Variants in MAN1A1 observed in about 807,000 individuals in gnomAD.
MAN1A1 encodes mannosidase alpha class 1A member 1.
Under a neutral mutation model 70.8 loss-of-function variants are expected in MAN1A1, and 29 were observed. That is an observed-to-expected ratio of 0.41 (90% CI 0.31 to 0.56). The LOEUF is 0.56. Among genes scored for constraint, MAN1A1 ranks in the 20% least tolerant of loss-of-function variants. The pLI, the probability that MAN1A1 is intolerant of heterozygous loss-of-function variation, is 0.29. For missense variants in MAN1A1, 747 were observed against 841.3 expected (o/e 0.89, Z 1.39); for synonymous variants, 349 against 330.1 (o/e 1.06, Z -0.62).
Position 119,263,277 on chromosome 6 carries a change from C to T in MAN1A1, c.898-14923G>A, listed in dbSNP as rs7761480. 7.2e-3 allele frequency among the ~76,000 whole-genome samples: 1,094 copies of T among 152,012 alleles called. 32 individuals are homozygous for T. In the East Asian group the frequency reaches 0.091, roughly 13 times the overall value. ...TTATTAAGTATTAATTTAATACTTA[C>T]AGGATATATGTAGATCTACAGATAT... On this transcript the variant is annotated intron_variant, in intron 5 of 12. Coordinates refer to ENST00000368468, the MANE Select transcript of MAN1A1 (RefSeq NM_005907.4).
At chr6:119,348,369 T>A in intron 2 of MAN1A1, 94 bp downstream of exon 2, 1 of 1,250,276 alleles carries the variant, frequency 8.0e-7, no homozygotes, top group Non-Finnish European at 1.1e-6. Context: ...TCCCCATACA[T>A]TGCATTGTTG....
rs531991278 is a variant in MAN1A1 at position 119,284,583 on chromosome 6, A to G, written c.897+6100T>C. 2.6e-5 allele frequency among the ~76,000 whole-genome samples: 4 copies of G among 152,190 alleles called. No individual in the cohort carries two copies. The East Asian group carries it at 7.7e-4, about 29-fold the overall frequency. Reference sequence around the variant, plus strand: ...TTGTTTTTTTTCCCCTAAATTACTGAAATATAGACTTAACCACATATTTAT... The same window carrying G: ...TTGTTTTTTTTCCCCTAAATTACTGGAATATAGACTTAACCACATATTTAT... On this transcript the variant is annotated intron_variant, in intron 5 of 12. Transcript: ENST00000368468.
intron 7 of MAN1A1, 144 bp downstream of exon 7, chr6:119,204,615 A>C (rs1773806725): frequency 3.0e-6 from 3 of 994,690 alleles, no homozygotes; most frequent in Non-Finnish European, 3.0e-6. Context: ...GGCTAAATGA[A>C]ATGCTGCATG....
chr6:119,228,155 A>T (rs1774572045), intron 6 of MAN1A1, among the ~76,000 whole-genome samples: 1 of 152,140 alleles, frequency 6.6e-6, no homozygotes, highest in Non-Finnish European at 1.5e-5. Context: ...GTTCAGAGAG[A>T]CCCCTGTAAT....
At chr6:119,324,932 CTAGATGTCTG>C (rs1442298681) in intron 2 of MAN1A1, among the ~76,000 whole-genome samples, 1 of 152,144 alleles carries the variant, frequency 6.6e-6, no homozygotes, top group Non-Finnish European at 1.5e-5. Flanking sequence ...CCTGTATACA[CTAGATGTCTG>C]TATCTCACCC....
intron 5 of MAN1A1, among the ~76,000 whole-genome samples, chr6:119,278,011 T>C (rs1005787219): frequency 6.8e-6 from 1 of 147,106 alleles, no homozygotes; most frequent in Non-Finnish European, 1.5e-5. Flanking sequence ...TAGCCAGGCA[T>C]GGTGGTGTGC....
At chr6:119,293,472 T>A (rs1772105375) in intron 4 of MAN1A1, among the ~76,000 whole-genome samples, 2 of 152,080 alleles carry the variant, frequency 1.3e-5, no homozygotes, top group Admixed American at 1.3e-4. Context: ...TGTTAGTTAA[T>A]CCATGAAGGA....
chr6:119,211,047 A>G (rs993577005), intron 6 of MAN1A1: 4 of 322,976 alleles, frequency 1.2e-5, no homozygotes, highest in Non-Finnish European at 2.5e-5. Context: ...AGCATAGTAT[A>G]TTCCATCTTC....
intron 11 of MAN1A1, among the ~76,000 whole-genome samples, chr6:119,183,406 C>CT (rs139277735): frequency 0.26 from 39,846 of 150,462 alleles, 6,191 homozygotes; most frequent in South Asian, 0.49. Context: ...TTCTTTCCTC[C>CT]TTTTTTTTTG....
At chr6:119,284,409 A>T (rs1366317850) in intron 5 of MAN1A1, among the ~76,000 whole-genome samples, 1 of 152,168 alleles carries the variant, frequency 6.6e-6, no homozygotes, top group Non-Finnish European at 1.5e-5. Context: ...CTGTCTCTTA[A>T]TAAGTGAAAA....
intron 6 of MAN1A1, among the ~76,000 whole-genome samples, chr6:119,209,631 G>A (rs925731370): frequency 2.6e-5 from 4 of 152,184 alleles, no homozygotes; most frequent in Non-Finnish European, 4.4e-5. Flanking sequence ...CAACGATTGC[G>A]TCATTTAGCT....
chr6:119,295,746 T>C (rs1030409066), intron 4 of MAN1A1, among the ~76,000 whole-genome samples: 1 of 152,176 alleles, frequency 6.6e-6, no homozygotes. Flanking sequence ...CCAAACTCTG[T>C]ATCAGCTTTC....
At chr6:119,180,916 G>A (rs1273803001) in intron 11 of MAN1A1, among the ~76,000 whole-genome samples, 2 of 152,142 alleles carry the variant, frequency 1.3e-5, no homozygotes, top group Non-Finnish European at 2.9e-5. Context: ...AATTAAAAAT[G>A]AAGTCATAGA....
chr6:119,197,757 G>A (rs1359837987), intron 8 of MAN1A1, among the ~76,000 whole-genome samples: 1 of 152,030 alleles, frequency 6.6e-6, no homozygotes, highest in African/African-American at 2.4e-5. Flanking sequence ...ATGGGGGTTG[G>A]GGCAGGAGAG....
chr6:119,190,486 T>G (rs1390057632), intron 9 of MAN1A1, among the ~76,000 whole-genome samples: 2 of 152,168 alleles, frequency 1.3e-5, no homozygotes, highest in Non-Finnish European at 2.9e-5. Context: ...AATCCATAAA[T>G]GGGAACAACA....
intron 5 of MAN1A1, among the ~76,000 whole-genome samples, chr6:119,250,648 CTG>C (rs71015031): frequency 0.3 from 43,886 of 148,384 alleles, 6,592 homozygotes; most frequent in East Asian, 0.55. Context: ...TGTTCTCTCT[CTG>C]TGTGTGTGTG....
intron 6 of MAN1A1, among the ~76,000 whole-genome samples, chr6:119,215,998 T>C (rs1774190298): frequency 6.6e-6 from 1 of 151,838 alleles, no homozygotes; most frequent in Non-Finnish European, 1.5e-5. Context: ...GACCTGGGAG[T>C]GGCTCTTACA....
Position 119,204,852 on chromosome 6 carries a change from A to G in MAN1A1, c.1023T>C (p.Ser341=). 1 of 1,613,994 alleles carries G rather than the reference A, an allele frequency of 6.2e-7. No individual in the cohort carries two copies. Residue 341 remains serine, a synonymous_variant, in exon 7 of 13, where the codon TCT becomes TCC. Transcript: ENST00000368468. ...ATTCTGCCAGAATACTGCTGCCTCC[A>G]GAGGCCCAGGGCCAGTTCCTTCCAA... The part of the protein sequence containing the change: ...SGIGRNWPWA[S]GGSSILAEFG...
At chr6:119,289,943 T>C (rs190280463) in intron 5 of MAN1A1, among the ~76,000 whole-genome samples, 91 of 152,130 alleles carry the variant, frequency 6.0e-4, no homozygotes, top group African/African-American at 2.1e-3. Context: ...TTTTCCATAA[T>C]GTCAACATTT....
Sources: gnomAD v4.1 joint callset for allele counts (sites outside exome capture counted in the v4.1 genomes callset) on GRCh38, gnomAD v4.1.1 for gene constraint, MANE v1.5 for transcripts, NCBI Gene and HGNC (gene_info 2026-07-23, HGNC 2026-07-21) for gene names.